PCLO: variants seen among roughly 807,000 people sequenced by gnomAD.
PCLO encodes the protein protein piccolo.
Under a neutral mutation model 427.5 loss-of-function variants are expected in PCLO, and 82 were observed. That is an observed-to-expected ratio of 0.19 (90% CI 0.16 to 0.23). PCLO has a LOEUF of 0.23. Among genes scored for constraint, PCLO ranks in the 10% least tolerant of loss-of-function variants. The pLI is 1.00. For synonymous variants in PCLO, 2,357 were observed against 2,155.4 expected (o/e 1.09, Z -2.59); for missense variants, 6,239 against 6,115.9 (o/e 1.02, Z -0.67).
chr7:83,156,278 T>G lies in PCLO; in HGVS notation c.363A>C (p.Ser121=). 1 of 1,613,754 alleles carries G rather than the reference T, an allele frequency of 6.2e-7. No individual in the cohort carries two copies. The change falls in exon 2 of 25, where the codon TCA becomes TCC. Residue 121 remains serine (S), a synonymous_variant. Coordinates refer to ENST00000333891, the MANE Select transcript of PCLO (RefSeq NM_033026.6). ...SKSRTTDTFR[S]EQKLPGRSPS... is the part of the protein sequence containing the mutation. ...GACTCCTCCCAGGCAATTTCTGCTCTGACCTGAAAGTGTCTGTAGTTCTAC... is the reference window on the plus strand; with the variant it reads ...GACTCCTCCCAGGCAATTTCTGCTCGGACCTGAAAGTGTCTGTAGTTCTAC...
intron 9 of PCLO, among the ~76,000 whole-genome samples, chr7:82,894,993 A>T (rs193053272): frequency 5.1e-4 from 77 of 152,192 alleles, no homozygotes; most frequent in African/African-American, 1.7e-3. Context: ...TTCAGTGGAA[A>T]GTAAAATCAT....
At chr7:82,813,406 A>G (rs998212692) in intron 20 of PCLO, among the ~76,000 whole-genome samples, 1 of 151,776 alleles carries the variant, frequency 6.6e-6, no homozygotes, top group African/African-American at 2.4e-5. Flanking sequence ...AGGTTATGAT[A>G]GAACCAGAGG....
intron 24 of PCLO, among the ~76,000 whole-genome samples, chr7:82,759,067 T>A (rs1382965376): frequency 6.6e-6 from 1 of 151,930 alleles, no homozygotes; most frequent in Admixed American, 6.6e-5. Flanking sequence ...AATTTTTTAC[T>A]AGTTTACACA....
chr7:82,873,757 G>T (rs558008590), intron 10 of PCLO, among the ~76,000 whole-genome samples: 1 of 151,840 alleles, frequency 6.6e-6, no homozygotes, highest in African/African-American at 2.4e-5. Context: ...AGAAGAACTG[G>T]CAGAGAAAAA....
At chr7:82,909,596 T>G (rs1794273795) in intron 7 of PCLO, among the ~76,000 whole-genome samples, 1 of 152,114 alleles carries the variant, frequency 6.6e-6, no homozygotes, top group Non-Finnish European at 1.5e-5. Context: ...TTCCCACCAT[T>G]ACATCAACCC....
chr7:83,134,765 C>T lies in PCLO; in HGVS notation c.2785G>A (p.Gly929Arg), dbSNP rs1050169622. The change falls in exon 3 of 25, where the codon GGG becomes AGG. Residue 929 changes from glycine (G) to arginine (R), a missense_variant. This residue lies in a region of PCLO where 4,677 missense variants were observed against 4,468.4 expected (regional missense o/e 1.05). Coordinates refer to ENST00000333891, the MANE Select transcript of PCLO (RefSeq NM_033026.6). Reference sequence around the variant, plus strand: ...GATGCTCCAAACCCAAAGAGTTTCCCAGTCACGGTCTCTTGAGGAGTTGTA... The same window carrying T: ...GATGCTCCAAACCCAAAGAGTTTCCTAGTCACGGTCTCTTGAGGAGTTGTA... ...QPTTPQETVT[G>R]KLFGFGASIF... The T allele has an allele frequency of 1.3e-5, 21 of 1,613,798 alleles. No individual in the cohort carries two copies. The highest frequency in any genetic ancestry group is 1.8e-5 in the Non-Finnish European group (21 of 1,179,890).
chr7:82,776,226 G>A (rs947944058), intron 22 of PCLO, among the ~76,000 whole-genome samples: 1 of 152,238 alleles, frequency 6.6e-6, no homozygotes, highest in East Asian at 1.9e-4. Flanking sequence ...ATTACTAGAG[G>A]TAGTGGGCAT....
At chr7:83,067,090 CAAATT>C (rs1204834177) in intron 3 of PCLO, among the ~76,000 whole-genome samples, 64 of 152,222 alleles carry the variant, frequency 4.2e-4, no homozygotes, top group African/African-American at 1.5e-3. Context: ...ATATATGAAA[CAAATT>C]AATTCCATAT....
intron 3 of PCLO, among the ~76,000 whole-genome samples, chr7:83,012,649 A>G (rs2116001533): frequency 6.7e-6 from 1 of 150,194 alleles, no homozygotes; most frequent in East Asian, 2.0e-4. Flanking sequence ...AAAAAAAGCC[A>G]GAAGCCCAGA....
rs757912703 is a variant in PCLO at position 82,915,628 on chromosome 7, C to T, written c.12358G>A (p.Glu4120Lys). ...ATCTGATGTTTCAGAAGCTTTAACT[C>T]GTAAGGATCCTCCATTGGGTCTTCC... Reference protein sequence around the residue: ...AEEDPMEDPYELKLLKHQIKQ... With the variant: ...AEEDPMEDPYKLKLLKHQIKQ... The change falls in exon 7 of 25, where the codon GAG becomes AAG. Residue 4120 changes from glutamate to lysine, a missense_variant. Physicochemically the swap from Glu to Lys is moderately conservative, Grantham distance 56. Transcript: ENST00000333891. 10 of 1,613,416 alleles carry T rather than the reference C, an allele frequency of 6.2e-6. No homozygotes were observed. The highest frequency in any genetic ancestry group is 2.2e-5 in the East Asian group (1 of 44,780).
chr7:83,036,281 G>C (rs1788792800), intron 3 of PCLO, among the ~76,000 whole-genome samples: 1 of 152,098 alleles, frequency 6.6e-6, no homozygotes, highest in Non-Finnish European at 1.5e-5. Flanking sequence ...CAGAGTTTCT[G>C]ATTCGGTTAG....
intron 3 of PCLO, among the ~76,000 whole-genome samples, chr7:83,101,899 CT>C (rs1490504139): frequency 6.6e-6 from 1 of 152,004 alleles, no homozygotes; most frequent in African/African-American, 2.4e-5. Context: ...TAAACCCACA[CT>C]TTTTTTTCTG....
chr7:82,895,341 A>G (rs1793875298), intron 9 of PCLO, among the ~76,000 whole-genome samples: 1 of 152,020 alleles, frequency 6.6e-6, no homozygotes. Context: ...AGGAAAATAC[A>G]TAGTTTTAAA....
chr7:82,905,578 C>T (rs1029350190), intron 8 of PCLO, among the ~76,000 whole-genome samples: 3 of 151,906 alleles, frequency 2.0e-5, no homozygotes, highest in African/African-American at 4.8e-5. Context: ...AAACACTTAC[C>T]CCAGATTTCT....
At chr7:83,090,768 TG>T (rs1381730361) in intron 3 of PCLO, among the ~76,000 whole-genome samples, 1 of 152,142 alleles carries the variant, frequency 6.6e-6, no homozygotes, top group Non-Finnish European at 1.5e-5. Flanking sequence ...TGATAAAACT[TG>T]GAACTAAAAC....
chr7:82,839,472 A>T (rs1792311784), intron 14 of PCLO, among the ~76,000 whole-genome samples: 1 of 152,102 alleles, frequency 6.6e-6, no homozygotes, highest in Non-Finnish European at 1.5e-5. Context: ...ATTAAAGAAG[A>T]GGAGAAAGGG....
intron 10 of PCLO, among the ~76,000 whole-genome samples, chr7:82,855,706 C>G: frequency 6.6e-6 from 1 of 152,052 alleles, no homozygotes; most frequent in East Asian, 1.9e-4. Flanking sequence ...TCCCTTTTCC[C>G]CATCTCACTC....
chr7:83,028,800 G>T (rs187457883), intron 3 of PCLO, among the ~76,000 whole-genome samples: 1 of 149,094 alleles, frequency 6.7e-6, no homozygotes, highest in Admixed American at 6.7e-5. Flanking sequence ...CAGAAATAAC[G>T]CCGCGTATCT....
chr7:82,885,958 G>A (rs966603593), intron 9 of PCLO, among the ~76,000 whole-genome samples: 8 of 152,126 alleles, frequency 5.3e-5, no homozygotes, highest in African/African-American at 1.7e-4. Flanking sequence ...CCAGTTCACT[G>A]GGTTTAGAAT....
Sources: gnomAD v4.1 joint callset for allele counts (sites outside exome capture counted in the v4.1 genomes callset) on GRCh38, gnomAD v4.1.1 for gene constraint, gnomAD v4.1.1 regional missense constraint, MANE v1.5 for transcripts, NCBI Gene and HGNC (gene_info 2026-07-23, HGNC 2026-07-21) for gene names.